The following CLMP variants were observed in gnomAD, a reference collection of about 807,000 sequenced individuals.
CLMP encodes CXADR like cell adhesion molecule.
In CLMP, 27 loss-of-function variants were observed where a neutral mutation model predicts 45.2. The ratio of observed to expected loss-of-function variants is 0.60; its 90% CI spans 0.44 to 0.82. CLMP has a LOEUF of 0.82. Among genes scored for constraint, CLMP ranks in the 40% least tolerant of loss-of-function variants. CLMP has a pLI of 0.00. For missense variants in CLMP, 403 were observed against 448.4 expected, an observed-to-expected ratio of 0.90 and a Z score of 0.91; for synonymous variants, 167 against 171.4, an observed-to-expected ratio of 0.97 and a Z score of 0.20.
At chr11:123,190,599 C>T (rs878297) in intron 1 of CLMP, among the ~76,000 whole-genome samples, 10 of 152,076 alleles carry the variant, frequency 6.6e-5, no homozygotes, top group Admixed American at 5.9e-4. Flanking sequence ...CACATACACC[C>T]ACATCTTTGG....
intron 1 of CLMP, among the ~76,000 whole-genome samples, chr11:123,105,196 G>A (rs1358610399): frequency 6.6e-6 from 1 of 152,202 alleles, no homozygotes; most frequent in Non-Finnish European, 1.5e-5. Context: ...AGCTAGCATT[G>A]TGAAAGCACA....
At chr11:123,084,755 AG>A in intron 2 of CLMP, 42 bp from the exon 3 acceptor site, 1 of 1,558,616 alleles carries the variant, frequency 6.4e-7, no homozygotes, top group Non-Finnish European at 8.8e-7. Flanking sequence ...CGTAACTCTC[AG>A]CCTGCCTTTC....
rs528513453 is a variant in CLMP at position 123,074,753 on chromosome 11, C to G, written c.770G>C (p.Arg257Pro). 1.2e-6 allele frequency: 2 copies of G among 1,614,136 alleles called. No individual in the cohort carries two copies. Among genetic ancestry groups the G allele is most frequent in the South Asian group, 2.2e-5 (2 of 91,084 alleles). ...CTCATATCTTTCTTTGTCTTTCCTT[C>G]GGATTAGCAGCCACACCAAGAGGAA... ...LIFLLVWLLI[R>P]RKDKERYEEE... The change falls in exon 6 of 7, where the codon CGA (arginine) becomes CCA (proline). Residue 257 changes from arginine to proline, a missense_variant. Coordinates refer to ENST00000448775, the MANE Select transcript of CLMP (RefSeq NM_024769.5).
rs201559044 is a variant in CLMP, at chr11:123,150,538, A to G, written c.28+44375T>C. 5.1e-4 allele frequency among the ~76,000 whole-genome samples: 69 copies of G among 134,190 alleles called. 1 individual carries two copies. The highest frequency in any genetic ancestry group is 2.0e-3 in the African/African-American group (65 of 33,206). The allele number at this position is 134,190 out of a possible 152,430, so 88.0% of individuals were successfully genotyped here. A position where few individuals can be genotyped will look rare whatever the true frequency, so the allele number is the denominator to read the frequency against. On this transcript the variant is annotated intron_variant, in intron 1 of 6. Coordinates refer to ENST00000448775, the MANE Select transcript of CLMP (RefSeq NM_024769.5). ...AAGGAAGGAAGGAAGGAAAGAAACAAGCAAGGAAGGAAGGAAGGAAGGAAA... is the reference window on the plus strand; with the variant it reads ...AAGGAAGGAAGGAAGGAAAGAAACAGGCAAGGAAGGAAGGAAGGAAGGAAA...
intron 1 of CLMP, among the ~76,000 whole-genome samples, chr11:123,124,928 G>A (rs1300398130): frequency 6.6e-6 from 1 of 152,058 alleles, no homozygotes; most frequent in Non-Finnish European, 1.5e-5. Flanking sequence ...ACAGGGTCTG[G>A]CTCTGTCACC....
chr11:123,106,997 C>T (rs372319682), intron 1 of CLMP, among the ~76,000 whole-genome samples: 28 of 146,538 alleles, frequency 1.9e-4, no homozygotes, highest in East Asian at 1.8e-3. Context: ...CCAGCCTGGG[C>T]GACAGAGCGA....
intron 1 of CLMP, among the ~76,000 whole-genome samples, chr11:123,189,432 G>A (rs1226589222): frequency 1.3e-5 from 2 of 152,144 alleles, no homozygotes; most frequent in South Asian, 2.1e-4. Context: ...TCTGTGAAAT[G>A]GAGTAATAAT....
intron 1 of CLMP, among the ~76,000 whole-genome samples, chr11:123,105,439 C>CT (rs1288147642): frequency 1.7e-3 from 192 of 116,318 alleles, no homozygotes; most frequent in African/African-American, 6.1e-3. Context: ...TTCTTTCTTT[C>CT]TTTTTTTTTG....
chr11:123,177,136 C>G (rs922119581), intron 1 of CLMP, among the ~76,000 whole-genome samples: 2 of 152,138 alleles, frequency 1.3e-5, no homozygotes, highest in African/African-American at 4.8e-5. Flanking sequence ...GGAATATAGA[C>G]AGTCTTAGGG....
In CLMP at chr11:123,194,767, C is replaced by T. The variant is rs888346250; in HGVS notation, c.28+146G>A. 17 of 952,088 alleles carry T rather than the reference C, an allele frequency of 1.8e-5. No homozygotes were observed. The African/African-American group carries it at 2.6e-4, about 15-fold the overall frequency. The allele number at this position is 952,088 out of a possible 1,614,324, so 59.0% of individuals were successfully genotyped here. A position where few individuals can be genotyped will look rare whatever the true frequency, so the allele number is the denominator to read the frequency against. ...GGGCGGCCCTCGGTTGCCAGATGTG[C>T]TCCTCCGTGGCCAGGAGGCAGGGAC... On this transcript the variant is annotated intron_variant, in intron 1 of 6. Transcript: ENST00000448775.
At chr11:123,089,750 C>A (rs1308634551) in intron 2 of CLMP, among the ~76,000 whole-genome samples, 1 of 142,714 alleles carries the variant, frequency 7.0e-6, no homozygotes, top group African/African-American at 2.6e-5. Flanking sequence ...GCACTCCAGC[C>A]TGGGCGACAG....
Position 123,082,268 on chromosome 11 carries a change from G to T in CLMP, c.679+817C>A, listed in dbSNP as rs562750681. ...CCTGGATATAGTGAATTTCTTTAGG[G>T]GGCTGGCTAATTCACATGTTTGTAA... On this transcript the variant is annotated intron_variant, in intron 5 of 6. Coordinates refer to ENST00000448775, the MANE Select transcript of CLMP (RefSeq NM_024769.5). Among the ~76,000 whole-genome samples, 3 of 152,302 alleles carry T rather than the reference G, an allele frequency of 2.0e-5. No individual in the cohort carries two copies. The East Asian group carries it at 5.8e-4, about 29-fold the overall frequency.
chr11:123,112,770 ATTTTT>A (rs34587716), intron 1 of CLMP, among the ~76,000 whole-genome samples: 1 of 113,996 alleles, frequency 8.8e-6, no homozygotes. Flanking sequence ...GTTAGTACCC[ATTTTT>A]TTTTTTTTTT....
intron 1 of CLMP, among the ~76,000 whole-genome samples, chr11:123,120,376 G>T (rs1224397787): frequency 5.3e-5 from 8 of 151,360 alleles, no homozygotes; most frequent in South Asian, 4.2e-4. Context: ...TTTTTTTTTA[G>T]ATCTTTTCTC....
At chr11:123,183,133 T>C (rs1394579924) in intron 1 of CLMP, among the ~76,000 whole-genome samples, 3 of 152,208 alleles carry the variant, frequency 2.0e-5, no homozygotes, top group Non-Finnish European at 4.4e-5. Context: ...AAAATGTGCA[T>C]TCTGGTTCAG....
intron 1 of CLMP, among the ~76,000 whole-genome samples, chr11:123,180,568 C>T (rs11219052): frequency 0.1 from 15,434 of 149,772 alleles, 2,387 homozygotes; most frequent in African/African-American, 0.34. Context: ...TGTTAAGCAG[C>T]CTGAACAGAC....
At chr11:123,168,493 C>T (rs1002974985) in intron 1 of CLMP, among the ~76,000 whole-genome samples, 7 of 152,178 alleles carry the variant, frequency 4.6e-5, no homozygotes, top group African/African-American at 4.8e-5. Context: ...GGGATATTCA[C>T]GGGGAATGAG....
At chr11:123,157,815 C>T (rs111333292) in intron 1 of CLMP, among the ~76,000 whole-genome samples, 312 of 151,076 alleles carry the variant, frequency 2.1e-3, no homozygotes, top group African/African-American at 7.0e-3. Flanking sequence ...GAGCAGAGAC[C>T]GGGACGCTGG....
chr11:123,094,193 G>A lies in CLMP; in HGVS notation c.186+3602C>T, dbSNP rs1352358530. Among the ~76,000 whole-genome samples the A allele has an allele frequency of 2.0e-5, 3 of 151,988 alleles. 1 individual carries two copies. Among genetic ancestry groups the A allele is most frequent in the Admixed American group, 2.0e-4 (3 of 15,254 alleles). On this transcript the variant is annotated intron_variant, in intron 2 of 6. Transcript: ENST00000448775. ...CGCCATCTCTGCTCACTGCAGCCTC[G>A]ACTTCCCATGCTCAGCCATTCTCCC... is the stretch of plus-strand genomic sequence containing the variant.
Sources: allele counts gnomAD v4.1 joint callset (sites outside exome capture counted in the v4.1 genomes callset), GRCh38; gene constraint gnomAD v4.1.1; transcripts MANE v1.5; gene names NCBI Gene and HGNC (gene_info 2026-07-23, HGNC 2026-07-21).